Variants in UBE3D observed in about 807,000 individuals in gnomAD.
The protein encoded by UBE3D is ubiquitin protein ligase E3D.
UBE3D carries 48 observed loss-of-function variants against 49.6 expected under a neutral mutation model. The ratio of observed to expected loss-of-function variants is 0.97; its 90% confidence interval spans 0.77 to 1.23. The LOEUF (loss-of-function observed/expected upper bound fraction) is 1.23. Among genes scored for constraint, UBE3D ranks in the 50% most tolerant of loss-of-function variants. The pLI is 0.00. For missense variants in UBE3D, 452 were observed against 468.4 expected (o/e 0.96, Z 0.32); for synonymous variants, 189 against 174.2 (o/e 1.08, Z -0.67).
At chr6:82,920,207 G>A (rs893218668) in intron 9 of UBE3D, among the ~76,000 whole-genome samples, 4 of 152,128 alleles carry the variant, frequency 2.6e-5, no homozygotes, top group African/African-American at 9.7e-5. Flanking sequence ...GTTTAGTAAT[G>A]AATCTTTAAA....
chr6:82,990,733 C>T (rs989547124), intron 8 of UBE3D, among the ~76,000 whole-genome samples: 2 of 152,182 alleles, frequency 1.3e-5, no homozygotes, highest in African/African-American at 4.8e-5. Flanking sequence ...TGCTCCTTTT[C>T]TCTCGCAACA....
chr6:82,934,808 A>G (rs956489028), intron 9 of UBE3D, among the ~76,000 whole-genome samples: 39 of 149,248 alleles, frequency 2.6e-4, no homozygotes, highest in Non-Finnish European at 5.2e-4. Context: ...AGCCACTGAA[A>G]TAGAACTCAA....
At position 83,018,899 on chromosome 6, in the gene UBE3D, T is replaced by C. The variant is rs879424177; in HGVS notation, c.1010+74A>G. 11 of 1,558,734 alleles carry C rather than the reference T, an allele frequency of 7.1e-6. No homozygotes were observed. In the Admixed American group the frequency reaches 1.7e-4, roughly 24 times the overall value. On this transcript the variant is annotated intron_variant, in intron 8 of 9. Coordinates refer to ENST00000369747, the MANE Select transcript of UBE3D (RefSeq NM_198920.3). ...AAATGGTATAGTGGCATTTAATTCA[T>C]TAATTTCTTAACACCAACATGACAA...
At chr6:83,019,187 A>T (rs766985615) in intron 7 of UBE3D, 51 bp from the exon 8 acceptor site, 2 of 1,519,448 alleles carry the variant, frequency 1.3e-6, no homozygotes, top group Non-Finnish European at 1.8e-6. Flanking sequence ...CACCTTATCC[A>T]TATCTTATGA....
intron 9 of UBE3D, among the ~76,000 whole-genome samples, chr6:82,907,689 A>G (rs1772203714): frequency 6.6e-6 from 1 of 152,238 alleles, no homozygotes; most frequent in South Asian, 2.1e-4. Context: ...TCACCAAATG[A>G]TGTCACTGAT....
At chr6:82,883,254 G>A in the UBE3D span, among the ~76,000 whole-genome samples, 1 of 152,168 alleles carries the variant, frequency 6.6e-6, no homozygotes, top group Non-Finnish European at 1.5e-5. Context: ...CTTAGAGGAA[G>A]TGATATTGGA....
chr6:83,014,035 G>A (rs915552742), intron 8 of UBE3D, among the ~76,000 whole-genome samples: 1 of 152,238 alleles, frequency 6.6e-6, no homozygotes, highest in African/African-American at 2.4e-5. Context: ...GGACAGGAGT[G>A]GAGAAAAAGG....
intron 9 of UBE3D, among the ~76,000 whole-genome samples, chr6:82,952,689 C>T (rs1269774493): frequency 6.6e-6 from 1 of 152,086 alleles, no homozygotes; most frequent in African/African-American, 2.4e-5. Flanking sequence ...CCCCAAAGTG[C>T]TGGTATTACA....
intron 8 of UBE3D, among the ~76,000 whole-genome samples, chr6:82,973,493 G>A (rs1446310438): frequency 6.6e-6 from 1 of 152,072 alleles, no homozygotes; most frequent in Non-Finnish European, 1.5e-5. Context: ...TTTTTAAATG[G>A]CAGCTTTAAA....
Position 83,055,611 on chromosome 6 carries a change from T to C in UBE3D, c.275-1373A>G, listed in dbSNP as rs1360446862. ...CGGGTTTAAAATTCAGTTTCTGATA[T>C]AGAGGAATCCTGGGAGAGCGTTGCT... On this transcript the variant is annotated intron_variant, in intron 2 of 9. Transcript: ENST00000369747. 3.9e-5 allele frequency among the ~76,000 whole-genome samples: 6 copies of C among 152,184 alleles called. 1 individual carries two copies. Among genetic ancestry groups the C allele is most frequent in the African/African-American group, 7.2e-5 (3 of 41,434 alleles).
chr6:82,948,768 T>A (rs1020825633), intron 9 of UBE3D, among the ~76,000 whole-genome samples: 13 of 152,070 alleles, frequency 8.5e-5, no homozygotes, highest in African/African-American at 2.9e-4. Context: ...AAAAACCACA[T>A]AAACATTTCA....
At chr6:83,045,554 G>A (rs1782970442) in intron 3 of UBE3D, among the ~76,000 whole-genome samples, 1 of 151,744 alleles carries the variant, frequency 6.6e-6, no homozygotes, top group Non-Finnish European at 1.5e-5. Context: ...AAATTTTTTT[G>A]GTGTTACTGC....
chr6:82,988,459 C>T (rs151295990), intron 8 of UBE3D, among the ~76,000 whole-genome samples: 1 of 151,342 alleles, frequency 6.6e-6, no homozygotes, highest in African/African-American at 2.4e-5. Context: ...AAGTACAAGA[C>T]ATGAGAAAAA....
intron 9 of UBE3D, among the ~76,000 whole-genome samples, chr6:82,924,261 A>C (rs1773580017): frequency 6.7e-6 from 1 of 149,636 alleles, no homozygotes; most frequent in African/African-American, 2.6e-5. Context: ...GCTTACAATT[A>C]CTAACTGATA....
At chr6:82,889,141 A>G (rs75333537), downstream of UBE3D, among the ~76,000 whole-genome samples, 1,900 of 152,332 alleles carry the variant, frequency 0.012, 37 homozygotes, top group African/African-American at 0.043. Flanking sequence ...GGTAACACTA[A>G]TGGTGATTCT....
At chr6:82,933,212 C>T (rs775666546) in intron 9 of UBE3D, among the ~76,000 whole-genome samples, 1 of 152,160 alleles carries the variant, frequency 6.6e-6, no homozygotes, top group Non-Finnish European at 1.5e-5. Context: ...GTTTAATAAA[C>T]TCTTTTATAT....
chr6:83,065,617 C>T, intron 1 of UBE3D, 25 bp downstream of exon 1: 1 of 1,612,992 alleles, frequency 6.2e-7, no homozygotes. Context: ...GAGCTGGGCA[C>T]TGCGCCTAGA....
intron 1 of UBE3D, among the ~76,000 whole-genome samples, chr6:83,058,789 A>T: frequency 6.6e-6 from 1 of 152,188 alleles, no homozygotes; most frequent in Middle Eastern, 3.2e-3. Flanking sequence ...AATCTGCCTT[A>T]GAAAATCTTA....
rs776271642 is a variant in UBE3D, at chr6:83,044,632, CG to C, written c.392del (p.Pro131ArgfsTer8). On this transcript the variant is annotated frameshift_variant, in exon 4 of 10. Transcript: ENST00000369747. LOFTEE classifies it high-confidence loss of function. The stretch of plus-strand genomic sequence containing the variant: ...CAACTAGAGCTCCCCAGTTCTCACT[CG>C]GCAGTGGGAGCACCCTGAGGAGCTT... ...DRKLLRVLPL[P>X]SENWGALVGE... The C allele has an allele frequency of 6.2e-7, 1 of 1,613,900 alleles. No individual in the cohort carries two copies. The highest frequency in any genetic ancestry group is 1.1e-5 in the South Asian group (1 of 91,068).
Sources: allele counts gnomAD v4.1 joint callset (sites outside exome capture counted in the v4.1 genomes callset), GRCh38; gene constraint gnomAD v4.1.1; transcripts MANE v1.5; gene names NCBI Gene and HGNC (gene_info 2026-07-23, HGNC 2026-07-21).